The following NPC1 variants were observed in gnomAD, a reference collection of about 807,000 sequenced individuals.
NPC1 encodes the protein Niemann-Pick C1 protein.
In NPC1, 85 loss-of-function variants were observed where a neutral mutation model predicts 140.4. The ratio of observed to expected loss-of-function variants is 0.61; its 90% CI spans 0.51 to 0.72. The LOEUF (loss-of-function observed/expected upper bound fraction) is 0.72. Among genes scored for constraint, NPC1 ranks in the 30% least tolerant of loss-of-function variants. The pLI is 0.00. For missense variants in NPC1, 1,504 were observed against 1,623.8 expected (o/e 0.93, Z 1.27); for synonymous variants, 656 against 624.8 (o/e 1.05, Z -0.74).
intron 1 of NPC1, among the ~76,000 whole-genome samples, chr18:23,575,087 G>A (rs959422579): frequency 6.6e-6 from 1 of 152,208 alleles, no homozygotes; most frequent in African/African-American, 2.4e-5. Flanking sequence ...TCCAGGGATT[G>A]GCCTGTCTCT....
rs886042901 is a variant in NPC1 at position 23,586,280 on chromosome 18, C to T, written c.57+7G>A. 10 of 1,532,366 alleles carry T rather than the reference C, an allele frequency of 6.5e-6. No individual in the cohort carries two copies. Among genetic ancestry groups the T allele is most frequent in the African/African-American group, 5.5e-5 (4 of 72,928 alleles). 94.9% of individuals were successfully genotyped at this position (1,532,366 alleles called of 1,614,324 possible). ...ACAGGGCGTCCCGGTGGCCGGCGAC[C>T]GCTCACCTGCGCTGGACACAGTAGC... On this transcript the variant is annotated splice_region_variant and intron_variant, in intron 1 of 24. Transcript: ENST00000269228.
chr18:23,583,534 A>G (rs1377964973), intron 1 of NPC1, among the ~76,000 whole-genome samples: 3 of 152,056 alleles, frequency 2.0e-5, no homozygotes, highest in African/African-American at 4.8e-5. Flanking sequence ...ATTTGACTGG[A>G]GAGCTGATGC....
intron 5 of NPC1, 29 bp from the exon 6 acceptor site, chr18:23,560,509 A>G: frequency 6.2e-7 from 1 of 1,612,848 alleles, no homozygotes; most frequent in Non-Finnish European, 8.5e-7. Context: ...TTGAGTACAA[A>G]TCTCAATTAA....
intron 21 of NPC1, among the ~76,000 whole-genome samples, 160 bp from the exon 22 acceptor site, chr18:23,535,860 G>A (rs1204971496): frequency 6.6e-6 from 1 of 152,086 alleles, no homozygotes; most frequent in East Asian, 1.9e-4. Context: ...CAACTCACTT[G>A]ACCTCTCATG....
At chr18:23,567,295 G>A (rs955656940) in intron 4 of NPC1, among the ~76,000 whole-genome samples, 10 of 152,200 alleles carry the variant, frequency 6.6e-5, no homozygotes, top group African/African-American at 2.4e-4. Context: ...CTCATTGCCA[G>A]CATTTGGTGT....
intron 11 of NPC1, among the ~76,000 whole-genome samples, chr18:23,546,982 T>C (rs565082716): frequency 6.6e-6 from 1 of 152,288 alleles, no homozygotes; most frequent in Non-Finnish European, 1.5e-5. Context: ...TTTTTCTTTT[T>C]AAATTCTCTT....
intron 1 of NPC1, 97 bp downstream of exon 1, chr18:23,586,190 G>A: frequency 7.4e-7 from 1 of 1,350,518 alleles, no homozygotes; most frequent in Admixed American, 2.4e-5. Flanking sequence ...AACTTCCCCA[G>A]GACCCGGGCC....
At chr18:23,563,603 G>A (rs1819928385) in intron 4 of NPC1, among the ~76,000 whole-genome samples, 1 of 152,144 alleles carries the variant, frequency 6.6e-6, no homozygotes, top group South Asian at 2.1e-4. Flanking sequence ...TTGTAGAGAT[G>A]GAGTTTCACC....
chr18:23,520,140 A>T, downstream of NPC1: 1 of 1,288,186 alleles, frequency 7.8e-7, no homozygotes, highest in Non-Finnish European at 1.1e-6. Flanking sequence ...ATGGGATGGA[A>T]TGAAAGCAAC....
intron 11 of NPC1, among the ~76,000 whole-genome samples, chr18:23,547,764 CA>C (rs991118636): frequency 6.6e-6 from 1 of 152,128 alleles, no homozygotes; most frequent in African/African-American, 2.4e-5. Flanking sequence ...TAAGTAAAAA[CA>C]ATGCAAGGAA....
intron 1 of NPC1, among the ~76,000 whole-genome samples, chr18:23,578,658 C>G (rs1389198134): frequency 6.6e-6 from 1 of 152,248 alleles, no homozygotes; most frequent in Non-Finnish European, 1.5e-5. Flanking sequence ...AGAAACACTG[C>G]TCTAATTATA....
At chr18:23,568,769 G>A (rs2059161353) in intron 4 of NPC1, 54 bp downstream of exon 4, 1 of 1,395,862 alleles carries the variant, frequency 7.2e-7, no homozygotes, top group Non-Finnish European at 1.0e-6. Flanking sequence ...GGAACAATTT[G>A]CTCTGCTGTC....
At chr18:23,529,970 A>T, downstream of NPC1, 2 of 1,457,436 alleles carry the variant, frequency 1.4e-6, no homozygotes, top group Non-Finnish European at 1.9e-6. Flanking sequence ...GGGAGCCTCT[A>T]GTCTGTTGTA....
rs997377163 is a variant in NPC1 at position 23,538,824 on chromosome 18, C to G, written c.2912-153G>C. 12 of 783,934 alleles carry G rather than the reference C, an allele frequency of 1.5e-5. No individual in the cohort carries two copies. In the African/African-American group the frequency reaches 2.1e-4, roughly 14 times the overall value. The allele number at this position is 783,934 out of a possible 1,614,324, so 48.6% of individuals were successfully genotyped here. A position where few individuals can be genotyped will look rare whatever the true frequency, so the allele number is the denominator to read the frequency against. On this transcript the variant is annotated intron_variant, in intron 19 of 24. Transcript: ENST00000269228. The stretch of plus-strand genomic sequence containing the variant: ...GATAATCTTTCCCCTTATCTAAAAG[C>G]TTCAGCCACATGTCACTTTCACAGT...
downstream of NPC1, chr18:23,529,146 C>T (rs149825361): frequency 4.9e-4 from 784 of 1,599,444 alleles, 10 homozygotes; most frequent in African/African-American, 9.5e-3. Flanking sequence ...TCTAAGATGC[C>T]GAAGATCATA....
chr18:23,541,333 G>T lies in NPC1; in HGVS notation c.2346C>A (p.Leu782=). The change falls in exon 15 of 25, where the codon CTC becomes CTA. Residue 782 remains leucine, a synonymous_variant. Coordinates refer to ENST00000269228, the MANE Select transcript of NPC1 (RefSeq NM_000271.5). ...FLLQITCFVS[L]LGLDIKRQEK... The stretch of plus-strand genomic sequence containing the variant: ...CTTGACGTTTAATGTCTAACCCCAA[G>T]AGACTCACGAAACAGGTAATCTGCA... The T allele has an allele frequency of 6.2e-7, 1 of 1,614,198 alleles. No homozygotes were observed. Among genetic ancestry groups the T allele is most frequent in the Non-Finnish European group, 8.5e-7 (1 of 1,180,046 alleles).
chr18:23,561,340 C>G lies in NPC1; in HGVS notation c.631+20G>C, dbSNP rs761048830. Reference sequence around the variant, plus strand: ...AAAACAATATCATAAACACACCAAACTTGGAATCTTTATACCTACCTGAAA... The same window carrying G: ...AAAACAATATCATAAACACACCAAAGTTGGAATCTTTATACCTACCTGAAA... On this transcript the variant is annotated intron_variant, in intron 5 of 24. Transcript: ENST00000269228. 2.5e-6 allele frequency: 4 copies of G among 1,613,856 alleles called. No homozygotes were observed. The East Asian group carries it at 6.7e-5, about 27-fold the overall frequency.
intron 9 of NPC1, among the ~76,000 whole-genome samples, chr18:23,552,711 G>A (rs138138712): frequency 1.3e-5 from 2 of 152,352 alleles, no homozygotes; most frequent in Non-Finnish European, 2.9e-5. Flanking sequence ...GCCAGGTGCT[G>A]AGAAGCTTCT....
intron 11 of NPC1, among the ~76,000 whole-genome samples, chr18:23,546,760 T>G (rs2058795904): frequency 6.6e-6 from 1 of 152,192 alleles, no homozygotes; most frequent in African/African-American, 2.4e-5. Context: ...CCACATATTA[T>G]TCTATGCACA....
Sources: allele counts gnomAD v4.1 joint callset (sites outside exome capture counted in the v4.1 genomes callset), GRCh38; gene constraint gnomAD v4.1.1; transcripts MANE v1.5; gene names NCBI Gene and HGNC (gene_info 2026-07-23, HGNC 2026-07-21).